The following CACNA1G variants were observed in gnomAD, a reference collection of about 807,000 sequenced individuals.
CACNA1G encodes the protein calcium voltage-gated channel subunit alpha1 G.
In CACNA1G, 67 loss-of-function variants were observed where a neutral mutation model predicts 219.4. The ratio of observed to expected loss-of-function variants is 0.31; its 90% CI spans 0.25 to 0.37. CACNA1G has a LOEUF of 0.37. CACNA1G is among the 10% of genes least tolerant of loss of function. CACNA1G has a pLI of 1.00. For missense variants in CACNA1G, 2,380 were observed against 3,231.4 expected (o/e 0.74, Z 6.39); for synonymous variants, 1,296 against 1,345.3 (o/e 0.96, Z 0.80).
intron 26 of CACNA1G, among the ~76,000 whole-genome samples, chr17:50,611,137 C>T (rs2049104899): frequency 6.6e-6 from 1 of 151,908 alleles, no homozygotes; most frequent in Admixed American, 6.6e-5. Flanking sequence ...GCCTGTAATC[C>T]CAGCTACTCG....
Position 50,621,589 on chromosome 17 carries a change from C to T in CACNA1G, c.5926-71C>T, listed in dbSNP as rs761403738. On this transcript the variant is annotated intron_variant, in intron 34 of 37. Transcript: ENST00000359106. This position sits in a 1 kb window ranked among gnomAD's most constrained non-coding sequence, Gnocchi z 4.6. Reference sequence around the variant, plus strand: ...GGGAAGTGGGGACTGAGAGAGAGCGCGTGTGTGCGTGTGCACGCGCGTGTG... The same window carrying T: ...GGGAAGTGGGGACTGAGAGAGAGCGTGTGTGTGCGTGTGCACGCGCGTGTG... 271 of 1,539,944 alleles carry T rather than the reference C, an allele frequency of 1.8e-4. No homozygotes were observed. Among genetic ancestry groups the T allele is most frequent in the Non-Finnish European group, 2.2e-4 (245 of 1,124,494 alleles).
In CACNA1G at chr17:50,626,568, G is replaced by A. The variant is rs544050662; in HGVS notation, c.6951G>A (p.Glu2317=). Residue 2317 remains glutamate, a synonymous_variant, in exon 38 of 38, where the codon GAG becomes GAA. Transcript: ENST00000359106. The surrounding 1 kb of genome is among the most constrained non-coding windows in gnomAD (Gnocchi z 4.3). ...SPPSITIDPP[E]SQGPRTPPSP... is the part of the protein sequence containing the mutation. ...CTAGTATCACCATAGACCCCCCCGA[G>A]AGCCAAGGTCCTCGGACCCCGCCCA... 8.8e-4 allele frequency: 1,412 copies of A among 1,596,870 alleles called. 26 individuals carry two copies. In the South Asian group the frequency reaches 0.015, roughly 17 times the overall value.
intron 26 of CACNA1G, among the ~76,000 whole-genome samples, chr17:50,610,811 A>G (rs2049031397): frequency 6.6e-6 from 1 of 152,208 alleles, no homozygotes; most frequent in South Asian, 2.1e-4. Flanking sequence ...TACTAATCAG[A>G]GGCGCATCTA....
At chr17:50,613,238 C>A (rs975324181) in intron 26 of CACNA1G, among the ~76,000 whole-genome samples, 2 of 152,184 alleles carry the variant, frequency 1.3e-5, no homozygotes, top group Admixed American at 6.5e-5. Flanking sequence ...AAAGGGGTTG[C>A]CCGAGGAGAT....
chr17:50,626,297 A>T lies in CACNA1G; in HGVS notation c.6680A>T (p.Asp2227Val), dbSNP rs2053787213. 3 of 1,613,200 alleles carry T rather than the reference A, an allele frequency of 1.9e-6. No homozygotes were observed. Among genetic ancestry groups the T allele is most frequent in the Non-Finnish European group, 2.5e-6 (3 of 1,179,824 alleles). The change falls in exon 38 of 38, where the codon GAC becomes GTC. Residue 2227 changes from aspartate (D) to valine (V), a missense_variant. Around this residue, in one of 17 missense-constraint regions of CACNA1G, gnomAD observed 672 missense variants for 670.5 expected, o/e 1.00. Transcript: ENST00000359106. The surrounding 1 kb of genome is among the most constrained non-coding windows in gnomAD (Gnocchi z 4.3). ...ACGGAGCTGAGCTGGATTTCAGGAG[A>T]CCTCCTGCCCCCTGGCGGCCAGGAG... is the stretch of plus-strand genomic sequence containing the variant. ...LDTELSWISG[D>V]LLPPGGQEEP...
At position 50,600,078 on chromosome 17, in the gene CACNA1G, C is replaced by G. The variant is rs1324713109; in HGVS notation, c.3690+219C>G. Reference sequence around the variant, plus strand: ...ATGCCTGGGGCTGCGGCTCTGCCACCCTTGGTGGATATGAATGATTTTGGA... The same window carrying G: ...ATGCCTGGGGCTGCGGCTCTGCCACGCTTGGTGGATATGAATGATTTTGGA... On this transcript the variant is annotated intron_variant, in intron 17 of 37. Coordinates refer to ENST00000359106, the MANE Select transcript of CACNA1G (RefSeq NM_018896.5). The surrounding 1 kb of genome is among the most constrained non-coding windows in gnomAD (Gnocchi z 4.1). 6.6e-6 allele frequency among the ~76,000 whole-genome samples: 1 copy of G among 152,210 alleles called. No individual in the cohort carries two copies. Among genetic ancestry groups the G allele is most frequent in the Non-Finnish European group, 1.5e-5 (1 of 68,036 alleles).
intron 9 of CACNA1G, among the ~76,000 whole-genome samples, chr17:50,584,187 G>A (rs557403977): frequency 7.9e-5 from 12 of 152,298 alleles, no homozygotes; most frequent in Non-Finnish European, 1.3e-4. Context: ...GCAGGCTCTG[G>A]ATCTCTGGAT....
At chr17:50,572,502 C>T in intron 5 of CACNA1G, 52 bp from the exon 6 acceptor site, 1 of 1,424,664 alleles carries the variant, frequency 7.0e-7, no homozygotes, top group Non-Finnish European at 9.4e-7. Context: ...GGGCCCTCTC[C>T]CTGGAGAGCC....
intron 26 of CACNA1G, among the ~76,000 whole-genome samples, chr17:50,612,880 C>T (rs1232738742): frequency 6.6e-6 from 1 of 152,250 alleles, no homozygotes; most frequent in Non-Finnish European, 1.5e-5. Flanking sequence ...TCAGTGACCA[C>T]AGGTCCAGGC....
Position 50,591,466 on chromosome 17 carries a change from G to A in CACNA1G, c.2485G>A (p.Gly829Ser), listed in dbSNP as rs766342903. The part of the protein sequence containing the change: ...VWEIVGQQGG[G>S]LSVLRTFRLM... Reference sequence around the variant, plus strand: ...GGAGATCGTGGGCCAGCAGGGGGGCGGCCTGTCGGTGCTGCGGACCTTCCG... The same window carrying A: ...GGAGATCGTGGGCCAGCAGGGGGGCAGCCTGTCGGTGCTGCGGACCTTCCG... Residue 829 changes from glycine (G) to serine (S), a missense_variant, in exon 11 of 38, where the codon GGC becomes AGC. Coordinates refer to ENST00000359106, the MANE Select transcript of CACNA1G (RefSeq NM_018896.5). 13 of 1,594,130 alleles carry A rather than the reference G, an allele frequency of 8.2e-6. No homozygotes were observed. The highest frequency in any genetic ancestry group is 5.4e-5 in the African/African-American group (4 of 74,662).
intron 24 of CACNA1G, 119 bp downstream of exon 24, chr17:50,607,108 C>T (rs376796769): frequency 1.1e-5 from 9 of 799,154 alleles, no homozygotes; most frequent in East Asian, 2.6e-5. Flanking sequence ...TCATATTTTA[C>T]AGCAGAGGCT....
intron 9 of CACNA1G, among the ~76,000 whole-genome samples, chr17:50,583,363 G>T (rs2042344570): frequency 6.6e-6 from 1 of 152,136 alleles, no homozygotes; most frequent in Non-Finnish European, 1.5e-5. Context: ...GCATCCCCTG[G>T]CTCCAGGCTC....
At chr17:50,573,263 C>A in intron 7 of CACNA1G, 150 bp downstream of exon 7, 1 of 623,298 alleles carries the variant, frequency 1.6e-6, no homozygotes, top group Non-Finnish European at 2.9e-6. Context: ...GTAGGAGGGA[C>A]ACCAGATGCA....
At chr17:50,564,457 G>C (rs1020663187) in intron 1 of CACNA1G, among the ~76,000 whole-genome samples, 1 of 149,996 alleles carries the variant, frequency 6.7e-6, no homozygotes, top group African/African-American at 2.5e-5. Context: ...TGCCGAGAGA[G>C]GGGGAGTGGG....
chr17:50,612,833 T>A (rs1465710066), intron 26 of CACNA1G, among the ~76,000 whole-genome samples: 1 of 152,184 alleles, frequency 6.6e-6, no homozygotes, highest in Non-Finnish European at 1.5e-5. Context: ...CTCATCCTGG[T>A]GGGAGGCAGG....
In CACNA1G at chr17:50,572,954, G is replaced by T. The variant is rs2039782255; in HGVS notation, c.1048-67G>T. 3.8e-6 allele frequency: 6 copies of T among 1,560,126 alleles called. No individual in the cohort carries two copies. The Admixed American group carries it at 1.1e-4, about 27-fold the overall frequency. ...TCTCAGGGTTGGGGTGGGGGTCAAG[G>T]CCTCTGGAGGAGACTGAAGGAGGAT... is the stretch of plus-strand genomic sequence containing the variant. On this transcript the variant is annotated intron_variant, in intron 6 of 37. Transcript: ENST00000359106.
chr17:50,585,819 T>A (rs2042886873), intron 9 of CACNA1G, among the ~76,000 whole-genome samples: 1 of 152,180 alleles, frequency 6.6e-6, no homozygotes, highest in Non-Finnish European at 1.5e-5. Context: ...CCTCACTGCC[T>A]CACTGCAGCC....
intron 26 of CACNA1G, among the ~76,000 whole-genome samples, chr17:50,610,269 T>A (rs2048934205): frequency 3.9e-5 from 6 of 152,200 alleles, no homozygotes; most frequent in Admixed American, 3.9e-4. Context: ...GAGCTGCAAA[T>A]CTCTCCTGTC....
intron 9 of CACNA1G, among the ~76,000 whole-genome samples, chr17:50,580,676 G>C (rs966504500): frequency 1.3e-5 from 2 of 152,160 alleles, no homozygotes; most frequent in African/African-American, 4.8e-5. Context: ...CTCCCACTAA[G>C]TCCTCAGCAG....
Sources: gnomAD v4.1 joint callset for allele counts (sites outside exome capture counted in the v4.1 genomes callset) on GRCh38, gnomAD v4.1.1 for gene constraint, gnomAD v4.1.1 regional missense constraint, Gnocchi (gnomAD v3.1) non-coding constraint, MANE v1.5 for transcripts, NCBI Gene and HGNC (gene_info 2026-07-23, HGNC 2026-07-21) for gene names.